Variants in RABL6 observed in about 807,000 individuals in gnomAD.
The protein encoded by RABL6 is RAB, member RAS oncogene family like 6.
A neutral mutation model predicts 72.9 loss-of-function variants in RABL6; 28 were observed. That is an observed-to-expected ratio of 0.38 (90% confidence interval 0.28 to 0.53). The LOEUF is 0.53. Among genes scored for constraint, RABL6 ranks in the 20% least tolerant of loss-of-function variants. The pLI, the probability that RABL6 is intolerant of heterozygous loss-of-function variation, is 0.80. For synonymous variants in RABL6, 477 were observed against 421.2 expected, an observed-to-expected ratio of 1.13 and a Z score of -1.62; for missense variants, 1,029 against 1,008.4, an observed-to-expected ratio of 1.02 and a Z score of -0.28.
intron 8 of RABL6, 156 bp from the exon 9 acceptor site, chr9:136,837,190 G>T: frequency 1.1e-6 from 1 of 876,342 alleles, no homozygotes; most frequent in Non-Finnish European, 1.9e-6. Flanking sequence ...TGCTGCCCTT[G>T]GAAGTGGATG....
intron 1 of RABL6, chr9:136,809,611 C>T: frequency 6.3e-6 from 1 of 158,344 alleles, no homozygotes; most frequent in Admixed American, 6.5e-5. Flanking sequence ...ACCGTCTCTA[C>T]TAAAAATACG....
intron 1 of RABL6, among the ~76,000 whole-genome samples, chr9:136,819,214 C>G (rs1029384891): frequency 6.7e-6 from 1 of 150,218 alleles, no homozygotes. Context: ...CCCAGCTACT[C>G]GGGAGGCTGA....
In RABL6 at chr9:136,826,278, C is replaced by T. The variant is rs1289980718; in HGVS notation, c.313+452C>T. On this transcript the variant is annotated intron_variant, in intron 3 of 14. Transcript: ENST00000311502. The surrounding 1 kb of genome is among the most constrained non-coding windows in gnomAD (Gnocchi z 4.9). ...CTCTGGGGACCGTGGGAGGGCAGCA[C>T]CAGCCCCCGGGGTGTCCTCGACATC... Among the ~76,000 whole-genome samples the T allele has an allele frequency of 6.6e-6, 1 of 152,178 alleles. No homozygotes were observed. Among genetic ancestry groups the T allele is most frequent in the African/African-American group, 2.4e-5 (1 of 41,452 alleles).
intron 1 of RABL6, among the ~76,000 whole-genome samples, chr9:136,822,744 C>A (rs1588355824): frequency 6.6e-6 from 1 of 152,226 alleles, no homozygotes; most frequent in East Asian, 1.9e-4. Context: ...ACCCGGCACA[C>A]ACGCGTTGTG....
rs542044859 is a variant in RABL6, at chr9:136,837,963, G to A, written c.1228G>A (p.Ala410Thr). The change falls in exon 10 of 15, where the codon GCC (alanine) becomes ACC (threonine). Residue 410 changes from alanine to threonine, a missense_variant. Around this residue, in one of 2 missense-constraint regions of RABL6, gnomAD observed 595 missense variants for 472.4 expected, o/e 1.26. Transcript: ENST00000311502. ...CAGCTTCCTGGAAGACACAACCCCC[G>A]CCAGGGACGAGAAGAAGGTGGGGGC... ...DRSFLEDTTP[A>T]RDEKKVGAKA... 17 of 1,568,508 alleles carry A rather than the reference G, an allele frequency of 1.1e-5. No homozygotes were observed. Among genetic ancestry groups the A allele is most frequent in the Middle Eastern group, 1.7e-4 (1 of 5,902 alleles).
intron 1 of RABL6, among the ~76,000 whole-genome samples, chr9:136,811,031 C>T (rs1385090518): frequency 1.3e-5 from 2 of 152,142 alleles, no homozygotes; most frequent in East Asian, 3.8e-4. Context: ...GGGACACCCA[C>T]TGGTTTTAGA....
intron 1 of RABL6, among the ~76,000 whole-genome samples, chr9:136,817,977 G>C (rs999429318): frequency 6.7e-6 from 1 of 149,586 alleles, no homozygotes; most frequent in African/African-American, 2.5e-5. Flanking sequence ...CACAAGAATC[G>C]TGTGAACCCG....
Position 136,819,324 on chromosome 9 carries a change from GAAAAAA to G in RABL6, c.131-4187_131-4182del, listed in dbSNP as rs57726746. Among the ~76,000 whole-genome samples the G allele has an allele frequency of 1.5e-4, 9 of 58,952 alleles. No individual in the cohort carries two copies. The East Asian group carries it at 1.9e-3, about 13-fold the overall frequency. The allele number at this position is 58,952 out of a possible 152,430, so 38.7% of individuals were successfully genotyped here. A position where few individuals can be genotyped will look rare whatever the true frequency, so the allele number is the denominator to read the frequency against. On this transcript the variant is annotated intron_variant, in intron 1 of 14. Coordinates refer to ENST00000311502, the MANE Select transcript of RABL6 (RefSeq NM_024718.5). ...GCAGCAGAACGAGACTCCGTCTCAA[GAAAAAA>G]AAAAAAAAAAAAAGAAAACCACCTT... is the stretch of plus-strand genomic sequence containing the variant.
chr9:136,837,124 C>T (rs1033572502), intron 8 of RABL6: 10 of 684,396 alleles, frequency 1.5e-5, no homozygotes, highest in African/African-American at 1.4e-4. Flanking sequence ...ATCTGCCTGC[C>T]TTGGCCTCCT....
intron 1 of RABL6, chr9:136,821,940 C>T: frequency 7.8e-7 from 1 of 1,288,552 alleles, no homozygotes; most frequent in South Asian, 1.2e-5. Flanking sequence ...GGTTTTGCCG[C>T]AGCGCTGGCC....
rs759276918 is a variant in RABL6, at chr9:136,839,272, C to T, written c.1544C>T (p.Thr515Ile). Residue 515 changes from threonine to isoleucine, a missense_variant, in exon 12 of 15, where the codon ACC becomes ATC. Physicochemically the swap from Thr to Ile is moderately conservative, Grantham distance 89. Around this residue, in one of 2 missense-constraint regions of RABL6, gnomAD observed 595 missense variants for 472.4 expected, o/e 1.26. Transcript: ENST00000311502. ...CGGAGGGGGACAGCTCCCACGAGGACCGCAGCACCCCCCTGGCCAGGCGGT... is the reference window on the plus strand; with the variant it reads ...CGGAGGGGGACAGCTCCCACGAGGATCGCAGCACCCCCCTGGCCAGGCGGT... ...KPRRGTAPTRTAAPPWPGGVS... is the reference protein window; with the variant it reads ...KPRRGTAPTRIAAPPWPGGVS... The T allele has an allele frequency of 5.0e-6, 8 of 1,608,612 alleles. No individual in the cohort carries two copies. Among genetic ancestry groups the T allele is most frequent in the Non-Finnish European group, 6.8e-6 (8 of 1,178,100 alleles).
chr9:136,823,389 G>A (rs908602856), intron 1 of RABL6, 136 bp from the exon 2 acceptor site: 97 of 1,223,052 alleles, frequency 7.9e-5, no homozygotes, highest in East Asian at 1.3e-4. Flanking sequence ...CCTGCCTGCC[G>A]GTCACCTGGT....
chr9:136,812,650 T>C (rs148147596), intron 1 of RABL6: 20 of 170,546 alleles, frequency 1.2e-4, no homozygotes, highest in African/African-American at 4.3e-4. Flanking sequence ...CTATACGAAT[T>C]TCCAAGGAGA....
Position 136,831,867 on chromosome 9 carries a change from T to C in RABL6, c.599+6T>C, listed in dbSNP as rs1227004598. On this transcript the variant is annotated splice_donor_region_variant and intron_variant, in intron 6 of 14. Transcript: ENST00000311502. ...TTCATCGACAACCTGGACAGGTGGG[T>C]GCGGTGGCCCTGCTCCCGAGGGACC... is the stretch of plus-strand genomic sequence containing the variant. 1.1e-5 allele frequency: 17 copies of C among 1,605,728 alleles called. No homozygotes were observed. The highest frequency in any genetic ancestry group is 1.3e-5 in the African/African-American group (1 of 74,720).
chr9:136,837,462 C>T lies in RABL6; in HGVS notation c.926C>T (p.Thr309Met), dbSNP rs775857530. 1.3e-5 allele frequency: 20 copies of T among 1,559,138 alleles called. No individual in the cohort carries two copies. The East Asian group carries it at 1.7e-4, about 13-fold the overall frequency. Residue 309 changes from threonine (T) to methionine (M), a missense_variant, in exon 9 of 15, where the codon ACG (threonine) becomes ATG (methionine). Thr to Met is a moderately conservative substitution (Grantham distance 81). Around this residue, in one of 2 missense-constraint regions of RABL6, gnomAD observed 434 missense variants for 536.1 expected, o/e 0.81. Coordinates refer to ENST00000311502, the MANE Select transcript of RABL6 (RefSeq NM_024718.5). ...SPVVPAGAVS[T>M]GSSSPGTPQP... ...GTGGTGCCTGCAGGCGCTGTGTCCA[C>T]GGGGAGCTCCAGCCCCGGCACACCC...
At chr9:136,815,980 T>G (rs1347275348) in intron 1 of RABL6, among the ~76,000 whole-genome samples, 1 of 152,214 alleles carries the variant, frequency 6.6e-6, no homozygotes, top group Non-Finnish European at 1.5e-5. Flanking sequence ...TAGCGTTTCT[T>G]GGATGAATCC....
At position 136,839,724 on chromosome 9, in the gene RABL6, G is replaced by C; in HGVS notation, c.1789G>C (p.Asp597His). The C allele has an allele frequency of 6.2e-7, 1 of 1,605,442 alleles. No homozygotes were observed. Among genetic ancestry groups the C allele is most frequent in the Non-Finnish European group, 8.5e-7 (1 of 1,175,156 alleles). The stretch of plus-strand genomic sequence containing the variant: ...CTTTCCCGTGCGAGATGACCCCTCC[G>C]ATGTGACTGACGAGGATGAGGGCCC... ...DDFPVRDDPS[D>H]VTDEDEGPAE... is the part of the protein sequence containing the mutation. Residue 597 changes from aspartate (D) to histidine (H), a missense_variant, in exon 13 of 15, where the codon GAT (aspartate) becomes CAT (histidine). Around this residue, in one of 2 missense-constraint regions of RABL6, gnomAD observed 595 missense variants for 472.4 expected, o/e 1.26. Coordinates refer to ENST00000311502, the MANE Select transcript of RABL6 (RefSeq NM_024718.5).
At chr9:136,811,728 G>A (rs992370882) in intron 1 of RABL6, among the ~76,000 whole-genome samples, 1 of 152,036 alleles carries the variant, frequency 6.6e-6, no homozygotes, top group Non-Finnish European at 1.5e-5. Context: ...CTCTACTCAA[G>A]CAGTCCGAAC....
chr9:136,831,078 A>G (rs553180340), intron 5 of RABL6: 79 of 154,734 alleles, frequency 5.1e-4, no homozygotes, highest in African/African-American at 1.9e-3. Context: ...AGGATGTTGC[A>G]TTTTTTACTC....
Sources: gnomAD v4.1 joint callset for allele counts (sites outside exome capture counted in the v4.1 genomes callset) on GRCh38, gnomAD v4.1.1 for gene constraint, gnomAD v4.1.1 regional missense constraint, Gnocchi (gnomAD v3.1) non-coding constraint, MANE v1.5 for transcripts, NCBI Gene and HGNC (gene_info 2026-07-23, HGNC 2026-07-21) for gene names.